Variants in NT5DC1 observed in about 807,000 individuals in gnomAD.
NT5DC1 encodes the protein 5'-nucleotidase domain-containing protein 1.
A neutral mutation model predicts 59.4 loss-of-function variants in NT5DC1; 42 were observed. That is an observed-to-expected ratio of 0.71 (90% CI 0.55 to 0.92). The LOEUF (loss-of-function observed/expected upper bound fraction) is 0.92. Ranked by LOEUF, NT5DC1 falls within the 40% of genes least tolerant of loss-of-function variation. The pLI is 0.00. For synonymous variants in NT5DC1, 172 were observed against 188.1 expected (o/e 0.91, Z 0.70); for missense variants, 501 against 537.1 (o/e 0.93, Z 0.66).
chr6:116,202,457 A>G (rs577839004), intron 6 of NT5DC1, among the ~76,000 whole-genome samples: 71 of 151,964 alleles, frequency 4.7e-4, no homozygotes, highest in Non-Finnish European at 8.5e-4. Flanking sequence ...ATGATCCCAT[A>G]TGTTCTTGAT....
In NT5DC1 at chr6:116,106,255, T is replaced by C. The variant is rs1212793556; in HGVS notation, c.105T>C (p.Asn35=). ...CCCCTTATTTGCAGCTCATTTATAA[T>C]AGCTTTGCCCAGTTCCTAGTTAAGG... ...NLPESAPLIY[N]SFAQFLVKEK... is the part of the protein sequence containing the mutation. Residue 35 remains asparagine, a synonymous_variant, in exon 2 of 12, where the codon AAT becomes AAC. Coordinates refer to ENST00000319550, the MANE Select transcript of NT5DC1 (RefSeq NM_152729.3). The C allele has an allele frequency of 2.4e-5, 37 of 1,539,252 alleles. No individual in the cohort carries two copies. Among genetic ancestry groups the C allele is most frequent in the Non-Finnish European group, 3.2e-5 (36 of 1,112,834 alleles).
intron 6 of NT5DC1, among the ~76,000 whole-genome samples, chr6:116,191,520 ACTGT>A (rs1472633687): frequency 6.6e-6 from 1 of 152,072 alleles, no homozygotes; most frequent in African/African-American, 2.4e-5. Flanking sequence ...TTCAACAATC[ACTGT>A]CTAACTCAAA....
intron 6 of NT5DC1, among the ~76,000 whole-genome samples, chr6:116,150,470 A>C (rs1024606503): frequency 1.3e-5 from 2 of 152,062 alleles, no homozygotes; most frequent in African/African-American, 4.8e-5. Flanking sequence ...TTTTTAATAG[A>C]GACAGGGTTT....
chr6:116,155,752 T>TAA (rs58270869), intron 6 of NT5DC1, among the ~76,000 whole-genome samples: 18 of 114,592 alleles, frequency 1.6e-4, no homozygotes, highest in South Asian at 2.7e-4. Flanking sequence ...TACTTCTCCT[T>TAA]AAAAAAAAAA....
At chr6:116,127,097 C>T (rs1375530954) in intron 6 of NT5DC1, among the ~76,000 whole-genome samples, 1 of 152,120 alleles carries the variant, frequency 6.6e-6, no homozygotes, top group Non-Finnish European at 1.5e-5. Context: ...ATTGACTATG[C>T]AGGTGAACTG....
intron 6 of NT5DC1, among the ~76,000 whole-genome samples, chr6:116,207,669 A>G (rs1781485128): frequency 6.6e-6 from 1 of 151,940 alleles, no homozygotes; most frequent in South Asian, 2.1e-4. Flanking sequence ...AAGAAGAAAA[A>G]AGAGGAATTT....
At chr6:116,101,446 A>AT (rs138520308) in intron 1 of NT5DC1, among the ~76,000 whole-genome samples, 1 of 151,658 alleles carries the variant, frequency 6.6e-6, no homozygotes, top group African/African-American at 2.4e-5. Flanking sequence ...TGGTACTTGC[A>AT]TTTTTTTTGG....
chr6:116,235,339 C>A (rs1316494737), intron 8 of NT5DC1, among the ~76,000 whole-genome samples: 1 of 152,060 alleles, frequency 6.6e-6, no homozygotes, highest in Non-Finnish European at 1.5e-5. Flanking sequence ...TCTTCTTAGA[C>A]CCTTTTAATG....
At chr6:116,121,786 C>T in intron 6 of NT5DC1, 3 of 1,613,822 alleles carry the variant, frequency 1.9e-6, no homozygotes, top group Non-Finnish European at 2.5e-6. Flanking sequence ...GGAGTCCTGG[C>T]ACACCTGGTT....
intron 6 of NT5DC1, among the ~76,000 whole-genome samples, chr6:116,179,521 A>G (rs1220564920): frequency 6.6e-6 from 1 of 152,194 alleles, no homozygotes; most frequent in Admixed American, 6.5e-5. Flanking sequence ...AATGCCCAAC[A>G]AACATATGAC....
intron 6 of NT5DC1, among the ~76,000 whole-genome samples, chr6:116,206,320 A>G (rs1214972188): frequency 6.6e-6 from 1 of 152,032 alleles, no homozygotes; most frequent in Non-Finnish European, 1.5e-5. Context: ...AATGTTTCAC[A>G]TATATCATTG....
At chr6:116,200,945 C>T (rs1288392077) in intron 6 of NT5DC1, among the ~76,000 whole-genome samples, 8 of 151,940 alleles carry the variant, frequency 5.3e-5, no homozygotes, top group Admixed American at 2.6e-4. Context: ...TTTTTTCTAA[C>T]CAAGGTCTGA....
At chr6:116,191,043 A>G (rs1781105419) in intron 6 of NT5DC1, among the ~76,000 whole-genome samples, 1 of 152,012 alleles carries the variant, frequency 6.6e-6, no homozygotes, top group Non-Finnish European at 1.5e-5. Flanking sequence ...GAAGTTGCAC[A>G]GTGAGTTGTT....
intron 8 of NT5DC1, among the ~76,000 whole-genome samples, chr6:116,229,264 GT>G (rs1390443667): frequency 6.6e-6 from 1 of 151,988 alleles, no homozygotes; most frequent in African/African-American, 2.4e-5. Flanking sequence ...GTTTTCTCAG[GT>G]TTGTCCTCAC....
intron 6 of NT5DC1, among the ~76,000 whole-genome samples, chr6:116,182,984 T>C (rs1780921089): frequency 6.6e-6 from 1 of 152,068 alleles, no homozygotes; most frequent in Non-Finnish European, 1.5e-5. Context: ...CCACTGTGCT[T>C]TTCTAGAATT....
chr6:116,227,870 G>C (rs1295132823), intron 8 of NT5DC1, among the ~76,000 whole-genome samples: 7 of 152,038 alleles, frequency 4.6e-5, no homozygotes, highest in African/African-American at 1.4e-4. Context: ...CCCCTTATCA[G>C]ATGTATGGTT....
At position 116,244,321 on chromosome 6, in the gene NT5DC1, T is replaced by G. The variant is rs749154151; in HGVS notation, c.*297T>G. The G allele has an allele frequency of 5.5e-6, 1 of 180,298 alleles. No individual in the cohort carries two copies. Among genetic ancestry groups the G allele is most frequent in the Non-Finnish European group, 1.2e-5 (1 of 86,822 alleles). 11.2% of individuals were successfully genotyped at this position (180,298 alleles called of 1,614,324 possible). On this transcript the variant is annotated 3_prime_UTR_variant, in exon 12 of 12. Coordinates refer to ENST00000319550, the MANE Select transcript of NT5DC1 (RefSeq NM_152729.3). Reference sequence around the variant, plus strand: ...CAGTCACTCTTACACATATGCCTAGTCCAGTGGTTCTCAAAGTGTGATCCA... The same window carrying G: ...CAGTCACTCTTACACATATGCCTAGGCCAGTGGTTCTCAAAGTGTGATCCA...
intron 6 of NT5DC1, among the ~76,000 whole-genome samples, chr6:116,131,560 C>A (rs1239823765): frequency 6.6e-6 from 1 of 152,114 alleles, no homozygotes; most frequent in Non-Finnish European, 1.5e-5. Flanking sequence ...AGATGGTCTG[C>A]ATTCCTTTTT....
chr6:116,165,098 G>GAAAAAAAAAAA (rs71554841), intron 6 of NT5DC1, among the ~76,000 whole-genome samples: 1 of 101,070 alleles, frequency 9.9e-6, no homozygotes, highest in African/African-American at 4.1e-5. Flanking sequence ...CTCCGTCTCA[G>GAAAAAAAAAAA]AAAAAAAAAA....
Sources: gnomAD v4.1 joint callset for allele counts (sites outside exome capture counted in the v4.1 genomes callset) on GRCh38, gnomAD v4.1.1 for gene constraint, MANE v1.5 for transcripts, NCBI Gene and HGNC (gene_info 2026-07-23, HGNC 2026-07-21) for gene names.